Variants in SPIDR observed in about 807,000 individuals in gnomAD.
The protein encoded by SPIDR is scaffold protein involved in DNA repair.
A neutral mutation model predicts 104.6 loss-of-function variants in SPIDR; 93 were observed. That is an observed-to-expected ratio of 0.89 (90% confidence interval 0.75 to 1.06). SPIDR has a LOEUF of 1.06. Among genes scored for constraint, SPIDR ranks in the 50% least tolerant of loss-of-function variants. The probability of loss-of-function intolerance (pLI) is 0.00; values close to 1 mark genes in which losing one functional copy is unlikely to be tolerated. For synonymous variants in SPIDR, 431 were observed against 416.9 expected (o/e 1.03, Z -0.41); for missense variants, 1,154 against 1,111.2 (o/e 1.04, Z -0.55).
At chr8:47,633,569 A>C (rs1347116275) in intron 10 of SPIDR, among the ~76,000 whole-genome samples, 4 of 150,862 alleles carry the variant, frequency 2.7e-5, no homozygotes, top group African/African-American at 4.9e-5. Context: ...AAAAAAAAAA[A>C]AAAACAAAAA....
At chr8:47,409,807 T>G (rs2063256441) in intron 7 of SPIDR, among the ~76,000 whole-genome samples, 1 of 152,186 alleles carries the variant, frequency 6.6e-6, no homozygotes, top group Non-Finnish European at 1.5e-5. Context: ...GACGGGAGGA[T>G]CACTTGAGGC....
chr8:47,623,762 C>T (rs965938350), intron 10 of SPIDR, among the ~76,000 whole-genome samples: 1 of 152,112 alleles, frequency 6.6e-6, no homozygotes, highest in Non-Finnish European at 1.5e-5. Context: ...CTTACAGAGA[C>T]TTAGACTCCC....
chr8:47,721,089 A>G (rs1432502942), intron 16 of SPIDR, among the ~76,000 whole-genome samples: 1 of 152,158 alleles, frequency 6.6e-6, no homozygotes, highest in Non-Finnish European at 1.5e-5. Context: ...CTTTTTGCAA[A>G]CCATAAGTTT....
chr8:47,619,584 A>G lies in SPIDR; in HGVS notation c.1544+20388A>G, dbSNP rs533891312. Among the ~76,000 whole-genome samples the G allele has an allele frequency of 2.7e-5, 4 of 150,464 alleles. No homozygotes were observed. In the South Asian group the frequency reaches 6.3e-4, roughly 24 times the overall value. On this transcript the variant is annotated intron_variant, in intron 10 of 19. Coordinates refer to ENST00000297423, the MANE Select transcript of SPIDR (RefSeq NM_001080394.4). ...GGATCAGTCTGTTTGCTTTTTCTAC[A>G]TGATACTCTGAATATGCATATATGT...
intron 7 of SPIDR, among the ~76,000 whole-genome samples, chr8:47,416,871 C>T (rs565159108): frequency 3.7e-4 from 56 of 150,984 alleles, no homozygotes; most frequent in Non-Finnish European, 7.0e-4. Flanking sequence ...TGAGAACACG[C>T]GGTGTTTGGT....
chr8:47,488,382 T>A (rs2078066442), intron 8 of SPIDR, among the ~76,000 whole-genome samples: 1 of 151,904 alleles, frequency 6.6e-6, no homozygotes, highest in Non-Finnish European at 1.5e-5. Flanking sequence ...CCAAAGAAAG[T>A]CCATGACCAG....
intron 10 of SPIDR, among the ~76,000 whole-genome samples, chr8:47,656,225 T>C (rs1246906529): frequency 4.6e-5 from 7 of 152,094 alleles, no homozygotes; most frequent in Non-Finnish European, 1.0e-4. Flanking sequence ...TCATCGAAAT[T>C]AAAAACTTTA....
At chr8:47,373,420 G>T (rs2058281997) in intron 5 of SPIDR, among the ~76,000 whole-genome samples, 2 of 152,120 alleles carry the variant, frequency 1.3e-5, no homozygotes, top group Non-Finnish European at 2.9e-5. Context: ...GCAATTTGAG[G>T]GAGATGTGCA....
intron 5 of SPIDR, among the ~76,000 whole-genome samples, chr8:47,342,378 C>CCAGG (rs1554614692): frequency 2.1e-5 from 3 of 142,832 alleles, no homozygotes; most frequent in African/African-American, 8.1e-5. Flanking sequence ...GCTCTGTCAC[C>CCAGG]CAGGCTGGAG....
intron 5 of SPIDR, among the ~76,000 whole-genome samples, chr8:47,377,713 G>C (rs2058824947): frequency 6.6e-6 from 1 of 152,176 alleles, no homozygotes; most frequent in Admixed American, 6.5e-5. Flanking sequence ...AGACAGAGTG[G>C]TCAAGGTTTC....
At chr8:47,577,498 G>C (rs565883745) in intron 8 of SPIDR, among the ~76,000 whole-genome samples, 13 of 152,212 alleles carry the variant, frequency 8.5e-5, no homozygotes, top group Non-Finnish European at 1.9e-4. Context: ...CTTGTACACA[G>C]ATTTTTTTCA....
At chr8:47,626,482 C>T (rs574124871) in intron 10 of SPIDR, among the ~76,000 whole-genome samples, 4 of 152,222 alleles carry the variant, frequency 2.6e-5, no homozygotes, top group African/African-American at 9.6e-5. Flanking sequence ...TTTTCACAAC[C>T]TACTCATCTG....
rs1318499220 is a variant in SPIDR, at chr8:47,588,346, T to C, written c.1098-7465T>C. On this transcript the variant is annotated intron_variant, in intron 8 of 19. Coordinates refer to ENST00000297423, the MANE Select transcript of SPIDR (RefSeq NM_001080394.4). ...TCTTTTTTTTTTTTTAGTTTTACAA[T>C]TTTAAATGGTATGTTTTTCCCATTT... Among the ~76,000 whole-genome samples the C allele has an allele frequency of 3.3e-5, 5 of 151,384 alleles. No individual in the cohort carries two copies. The East Asian group carries it at 9.7e-4, about 29-fold the overall frequency.
At chr8:47,731,399 C>T (rs529026207) in intron 19 of SPIDR, among the ~76,000 whole-genome samples, 44 of 152,350 alleles carry the variant, frequency 2.9e-4, no homozygotes, top group African/African-American at 9.4e-4. Flanking sequence ...TGTGGAGGCT[C>T]ATCAGCAAGT....
chr8:47,401,522 A>T (rs915047611), intron 6 of SPIDR, among the ~76,000 whole-genome samples: 9 of 152,338 alleles, frequency 5.9e-5, no homozygotes, highest in Middle Eastern at 6.8e-3. Context: ...TCTCCAATTA[A>T]AAGACAGAGA....
At chr8:47,309,042 G>C (rs1354508896) in intron 5 of SPIDR, among the ~76,000 whole-genome samples, 1 of 152,132 alleles carries the variant, frequency 6.6e-6, no homozygotes, top group Non-Finnish European at 1.5e-5. Context: ...ACACATGCGT[G>C]GTGCTTCCTA....
intron 5 of SPIDR, chr8:47,361,008 AAAAT>A (rs1408640830): frequency 2.9e-5 from 28 of 973,268 alleles, no homozygotes; most frequent in African/African-American, 3.5e-5. Flanking sequence ...TTTAATATTA[AAAAT>A]AAATAAGTGA....
chr8:47,447,860 C>T lies in SPIDR; in HGVS notation c.1097+7318C>T, dbSNP rs75737378. ...CTCTCAGCAAAAAGATTATGACTTA[C>T]TGAAGGCTGCATTTTTTACCAATAA... On this transcript the variant is annotated intron_variant, in intron 8 of 19. Transcript: ENST00000297423. Among the ~76,000 whole-genome samples, 1,388 of 152,322 alleles carry T rather than the reference C, an allele frequency of 9.1e-3. 21 individuals are homozygous for T. The highest frequency in any genetic ancestry group is 0.031 in the African/African-American group (1,292 of 41,556).
intron 5 of SPIDR, among the ~76,000 whole-genome samples, chr8:47,305,720 A>G (rs2042984227): frequency 6.6e-6 from 1 of 152,216 alleles, no homozygotes; most frequent in Non-Finnish European, 1.5e-5. Context: ...ATAGTGAGTT[A>G]GAATAAAATG....
Sources: gnomAD v4.1 joint callset for allele counts (sites outside exome capture counted in the v4.1 genomes callset) on GRCh38, gnomAD v4.1.1 for gene constraint, MANE v1.5 for transcripts, NCBI Gene and HGNC (gene_info 2026-07-23, HGNC 2026-07-21) for gene names.